The following ZFAND4 variants were observed in gnomAD, a reference collection of about 807,000 sequenced individuals.
The protein encoded by ZFAND4 is zinc finger AN1-type containing 4.
A neutral mutation model predicts 64.4 loss-of-function variants in ZFAND4; 43 were observed. The observed-to-expected ratio is 0.67, with a 90% CI of 0.52 to 0.86. The LOEUF (loss-of-function observed/expected upper bound fraction) is 0.86. ZFAND4 is among the 40% of genes least tolerant of loss of function. The pLI, the probability that ZFAND4 is intolerant of heterozygous loss-of-function variation, is 0.00. For synonymous variants in ZFAND4, 296 were observed against 305.7 expected, an observed-to-expected ratio of 0.97 and a Z score of 0.33; for missense variants, 929 against 859.8, an observed-to-expected ratio of 1.08 and a Z score of -1.01.
At chr10:45,668,132 G>C (rs1035423227) in intron 1 of ZFAND4, among the ~76,000 whole-genome samples, 1 of 152,060 alleles carries the variant, frequency 6.6e-6, no homozygotes, top group African/African-American at 2.4e-5. Flanking sequence ...ATTTGTACCT[G>C]GTATGTAATC....
At chr10:45,646,127 A>G (rs2047362884) in intron 5 of ZFAND4, among the ~76,000 whole-genome samples, 2 of 152,236 alleles carry the variant, frequency 1.3e-5, no homozygotes, top group Non-Finnish European at 2.9e-5. Flanking sequence ...CCCATGAAAA[A>G]GAATTCCATT....
intron 5 of ZFAND4, among the ~76,000 whole-genome samples, chr10:45,643,382 A>C (rs887767004): frequency 1.3e-5 from 2 of 151,292 alleles, no homozygotes; most frequent in African/African-American, 4.9e-5. Context: ...CTGCTTAAAA[A>C]ATCCCAGGCC....
In ZFAND4 at chr10:45,626,814, G is replaced by C. The variant is rs371498351; in HGVS notation, c.1009C>G (p.Leu337Val). The stretch of plus-strand genomic sequence containing the variant: ...TCCAAATGGGGTATCTGAGGAGGTA[G>C]TTTGACGTTGCTACTGAAGTGAGAC... ...TLSHFSSNVK[L>V]PPQIPHLELG... The change falls in exon 7 of 10, where the codon CTA becomes GTA. Residue 337 changes from leucine (L) to valine (V), a missense_variant. Coordinates refer to ENST00000344646, the MANE Select transcript of ZFAND4 (RefSeq NM_174890.4). The C allele has an allele frequency of 6.2e-6, 10 of 1,614,128 alleles. No individual in the cohort carries two copies. Among genetic ancestry groups the C allele is most frequent in the Middle Eastern group, 1.6e-4 (1 of 6,084 alleles).
At chr10:45,643,799 C>T (rs536922114) in intron 5 of ZFAND4, among the ~76,000 whole-genome samples, 1 of 151,808 alleles carries the variant, frequency 6.6e-6, no homozygotes, top group East Asian at 1.9e-4. Context: ...CTCCCTCTTT[C>T]TTTTTAGAGT....
intron 1 of ZFAND4, among the ~76,000 whole-genome samples, chr10:45,667,123 C>T (rs1375172674): frequency 6.6e-6 from 1 of 152,142 alleles, no homozygotes; most frequent in Admixed American, 6.5e-5. Flanking sequence ...TACTATTTTT[C>T]AGTTTATATC....
At position 45,672,659 on chromosome 10, in the gene ZFAND4, G is replaced by T. The variant is rs1441117894; in HGVS notation, c.-527C>A. ...AGCCCGGGCGCCCCCCCTGCCGGCC[G>T]CTCGCTAGCTCAGCCTCACCCGCAG... On this transcript the variant is annotated 5_prime_UTR_variant, in exon 1 of 10. Coordinates refer to ENST00000344646, the MANE Select transcript of ZFAND4 (RefSeq NM_174890.4). The T allele has an allele frequency of 1.3e-5, 2 of 151,976 alleles. No individual in the cohort carries two copies. Among genetic ancestry groups the T allele is most frequent in the Non-Finnish European group, 2.9e-5 (2 of 67,958 alleles). The allele number at this position is 151,976 out of a possible 1,614,324, so 9.4% of individuals were successfully genotyped here.
rs761725590 is a variant in ZFAND4, at chr10:45,626,956, G to A, written c.867C>T (p.Pro289=). ...CSPAFGNAYP[P]EISRNGISSL... ...TTGAAATTCCATTCCTGGAGATTTC[G>A]GGCGGATATGCATTCCCAAAAGCAG... Residue 289 remains proline (P), a synonymous_variant, in exon 7 of 10, where the codon CCC becomes CCT. Transcript: ENST00000344646. 5.6e-5 allele frequency: 91 copies of A among 1,614,040 alleles called. No homozygotes were observed. Among genetic ancestry groups the A allele is most frequent in the Non-Finnish European group, 6.9e-5 (82 of 1,180,026 alleles).
chr10:45,647,761 A>G (rs1162636601), intron 5 of ZFAND4, among the ~76,000 whole-genome samples: 1 of 152,194 alleles, frequency 6.6e-6, no homozygotes, highest in East Asian at 1.9e-4. Flanking sequence ...TGAATGCTTA[A>G]TAACTTGAAG....
chr10:45,627,125 A>G lies in ZFAND4; in HGVS notation c.718-20T>C, dbSNP rs765700694. 2 of 1,516,558 alleles carry G rather than the reference A, an allele frequency of 1.3e-6. No homozygotes were observed. Among genetic ancestry groups the G allele is most frequent in the Non-Finnish European group, 1.8e-6 (2 of 1,134,806 alleles). 93.9% of individuals were successfully genotyped at this position (1,516,558 alleles called of 1,614,324 possible). On this transcript the variant is annotated intron_variant, in intron 6 of 9. Transcript: ENST00000344646. ...CTTAGGCTAAAAGGAATGAATATAC[A>G]GTTTCTTTACACAGTCGTTTTCTCT...
chr10:45,626,157 C>T lies in ZFAND4; in HGVS notation c.1666G>A (p.Ala556Thr), dbSNP rs760904535. 4.8e-5 allele frequency: 78 copies of T among 1,613,984 alleles called. No individual in the cohort carries two copies. The highest frequency in any genetic ancestry group is 6.6e-5 in the Non-Finnish European group (78 of 1,180,042). Residue 556 changes from alanine (A) to threonine (T), a missense_variant, in exon 7 of 10, where the codon GCT becomes ACT. Ala to Thr is a moderately conservative substitution (Grantham distance 58). Transcript: ENST00000344646. Reference sequence around the variant, plus strand: ...ACACAACCAACAGGCTCTTTGGAAGCCTTGTTAGTCATTTCTGTGATATCC... The same window carrying T: ...ACACAACCAACAGGCTCTTTGGAAGTCTTGTTAGTCATTTCTGTGATATCC... ...ARDITEMTNK[A>T]SKEPVGCVNN...
chr10:45,630,666 CAGCG>C (rs2046142626), intron 6 of ZFAND4, among the ~76,000 whole-genome samples: 6 of 151,972 alleles, frequency 3.9e-5, no homozygotes, highest in Admixed American at 3.3e-4. Flanking sequence ...ACAAAGCTTG[CAGCG>C]AGCCAAGATC....
intron 8 of ZFAND4, 52 bp from the exon 9 acceptor site, chr10:45,618,312 G>A (rs753853401): frequency 6.3e-7 from 1 of 1,586,230 alleles, no homozygotes. Flanking sequence ...TCCTAAACAT[G>A]AAATATTATT....
At chr10:45,646,061 T>C (rs556575461) in intron 5 of ZFAND4, among the ~76,000 whole-genome samples, 1 of 152,262 alleles carries the variant, frequency 6.6e-6, no homozygotes, top group African/African-American at 2.4e-5. Flanking sequence ...TGCAATTGAC[T>C]TTGCAAATTT....
chr10:45,616,226 A>T lies in ZFAND4; in HGVS notation c.*210T>A, dbSNP rs976918664. On this transcript the variant is annotated 3_prime_UTR_variant, in exon 10 of 10. Coordinates refer to ENST00000344646, the MANE Select transcript of ZFAND4 (RefSeq NM_174890.4). ...TAACAAAGCTAAATCATTCCAGTGT[A>T]AAGTTGTTAAAACTACTTTTAAAAC... is the stretch of plus-strand genomic sequence containing the variant. 1 of 579,086 alleles carries T rather than the reference A, an allele frequency of 1.7e-6. No homozygotes were observed. Among genetic ancestry groups the T allele is most frequent in the African/African-American group, 1.9e-5 (1 of 52,106 alleles). 35.9% of individuals were successfully genotyped at this position (579,086 alleles called of 1,614,324 possible).
chr10:45,660,795 A>G (rs1271861907), intron 2 of ZFAND4, among the ~76,000 whole-genome samples: 1 of 152,216 alleles, frequency 6.6e-6, no homozygotes, highest in African/African-American at 2.4e-5. Flanking sequence ...AAAAAATACC[A>G]ACTTAGAATT....
intron 5 of ZFAND4, chr10:45,640,511 G>C: frequency 1.0e-6 from 1 of 991,642 alleles, no homozygotes; most frequent in Non-Finnish European, 1.3e-6. Flanking sequence ...TTTTTTTCTT[G>C]AGACAGTCTC....
rs757083669 is a variant in ZFAND4, at chr10:45,618,189, A to C, written c.1999T>G (p.Cys667Gly). Residue 667 changes from cysteine (C) to glycine (G), a missense_variant, in exon 9 of 10, where the codon TGT (cysteine) becomes GGT (glycine). Transcript: ENST00000344646. ...LQTKKKTTNHCFLCGKKTGLA... is the reference protein window; with the variant it reads ...LQTKKKTTNHGFLCGKKTGLA... ...CCTGTTTTCTTTCCACAAAGAAAACAATGATTTGTTGTTTTCTTCTTTGTC... is the reference window on the plus strand; with the variant it reads ...CCTGTTTTCTTTCCACAAAGAAAACCATGATTTGTTGTTTTCTTCTTTGTC... 3 of 1,613,718 alleles carry C rather than the reference A, an allele frequency of 1.9e-6. No individual in the cohort carries two copies. The highest frequency in any genetic ancestry group is 2.5e-6 in the Non-Finnish European group (3 of 1,179,892).
chr10:45,668,237 T>A (rs1480735336), intron 1 of ZFAND4, among the ~76,000 whole-genome samples: 1 of 152,238 alleles, frequency 6.6e-6, no homozygotes, highest in Non-Finnish European at 1.5e-5. Context: ...TTTCATTATG[T>A]CTGTCAGGAT....
At chr10:45,638,608 G>A (rs1406396346) in intron 6 of ZFAND4, among the ~76,000 whole-genome samples, 2 of 152,130 alleles carry the variant, frequency 1.3e-5, no homozygotes, top group East Asian at 3.9e-4. Context: ...CTAGGTATAT[G>A]CTCCAAAGAA....
Sources: gnomAD v4.1 joint callset for allele counts (sites outside exome capture counted in the v4.1 genomes callset) on GRCh38, gnomAD v4.1.1 for gene constraint, MANE v1.5 for transcripts, NCBI Gene and HGNC (gene_info 2026-07-23, HGNC 2026-07-21) for gene names.